The following DNAH9 variants were observed in gnomAD, a reference collection of about 807,000 sequenced individuals.
DNAH9 encodes DNAH9 variant protein.
In DNAH9, 345 loss-of-function variants were observed where a neutral mutation model predicts 471.6. The ratio of observed to expected loss-of-function variants is 0.73; its 90% CI spans 0.67 to 0.80. DNAH9 has a LOEUF of 0.80. Among genes scored for constraint, DNAH9 ranks in the 30% least tolerant of loss-of-function variants. The pLI is 0.00. For synonymous variants in DNAH9, 2,093 were observed against 2,123.6 expected (o/e 0.99, Z 0.40); for missense variants, 5,407 against 5,609.2 (o/e 0.96, Z 1.15).
At chr17:11,859,762 C>T (rs1318868800) in intron 50 of DNAH9, among the ~76,000 whole-genome samples, 2 of 152,114 alleles carry the variant, frequency 1.3e-5, no homozygotes, top group East Asian at 3.9e-4. Context: ...CTCTTTTAAA[C>T]AACCAGATCT....
At position 11,623,623 on chromosome 17, in the gene DNAH9, A is replaced by G. The variant is rs2072916662; in HGVS notation, c.1350+3842A>G. On this transcript the variant is annotated intron_variant, in intron 6 of 68. Coordinates refer to ENST00000262442, the MANE Select transcript of DNAH9 (RefSeq NM_001372.4). The surrounding 1 kb of genome is among the most constrained non-coding windows in gnomAD (Gnocchi z 4.1). ...GCATATTTCATGTAGGCCTTTAGTTAATATTCTGTGTATCTCTGTGATCGA... is the reference window on the plus strand; with the variant it reads ...GCATATTTCATGTAGGCCTTTAGTTGATATTCTGTGTATCTCTGTGATCGA... Among the ~76,000 whole-genome samples, 2 of 152,130 alleles carry G rather than the reference A, an allele frequency of 1.3e-5. No individual in the cohort carries two copies. The highest frequency in any genetic ancestry group is 4.1e-4 in the South Asian group (2 of 4,820).
At chr17:11,865,609 G>T (rs1158978470) in intron 50 of DNAH9, among the ~76,000 whole-genome samples, 2 of 151,752 alleles carry the variant, frequency 1.3e-5, no homozygotes, top group Non-Finnish European at 2.9e-5. Context: ...ATATCCTGCA[G>T]AGTGTTTTCC....
At chr17:11,841,523 A>G (rs1406600652) in intron 49 of DNAH9, among the ~76,000 whole-genome samples, 3 of 152,196 alleles carry the variant, frequency 2.0e-5, no homozygotes, top group Non-Finnish European at 4.4e-5. Flanking sequence ...CTGCATTTTT[A>G]CATAAGATAA....
intron 49 of DNAH9, among the ~76,000 whole-genome samples, chr17:11,842,067 T>A (rs1194802496): frequency 6.6e-6 from 1 of 152,154 alleles, no homozygotes; most frequent in East Asian, 1.9e-4. Context: ...AGTCTGTTAT[T>A]TGTCCTCTAA....
At chr17:11,940,133 A>G (rs1005039515) in intron 66 of DNAH9, among the ~76,000 whole-genome samples, 1 of 152,240 alleles carries the variant, frequency 6.6e-6, no homozygotes, top group African/African-American at 2.4e-5. Flanking sequence ...TTACTTTTCC[A>G]GAAAGGAAGA....
intron 53 of DNAH9, among the ~76,000 whole-genome samples, chr17:11,879,188 G>A (rs1314777721): frequency 6.6e-6 from 1 of 152,086 alleles, no homozygotes; most frequent in Non-Finnish European, 1.5e-5. Flanking sequence ...AGAAAAATGA[G>A]AGGGCGGGGT....
At chr17:11,649,850 C>G (rs1405521734) in intron 12 of DNAH9, among the ~76,000 whole-genome samples, 1 of 151,870 alleles carries the variant, frequency 6.6e-6, no homozygotes, top group Non-Finnish European at 1.5e-5. Context: ...GTGGAAGTAC[C>G]CTCTCTTCCT....
chr17:11,752,112 C>G (rs1427970659), intron 32 of DNAH9, among the ~76,000 whole-genome samples: 3 of 152,116 alleles, frequency 2.0e-5, no homozygotes, highest in Non-Finnish European at 4.4e-5. Flanking sequence ...AACAGACGTA[C>G]CATACTATTA....
At chr17:11,674,254 C>T (rs1044571523) in intron 17 of DNAH9, among the ~76,000 whole-genome samples, 7 of 152,090 alleles carry the variant, frequency 4.6e-5, no homozygotes, top group Admixed American at 2.0e-4. Flanking sequence ...TACTTAAGAG[C>T]GGAATTGCTA....
At chr17:11,648,636 G>T (rs2073440240) in intron 12 of DNAH9, among the ~76,000 whole-genome samples, 1 of 152,000 alleles carries the variant, frequency 6.6e-6, no homozygotes, top group Non-Finnish European at 1.5e-5. Context: ...AACACATAGG[G>T]CACACTTTAT....
chr17:11,768,563 G>C lies in DNAH9; in HGVS notation c.7281G>C (p.Lys2427Asn). 6.2e-7 allele frequency: 1 copy of C among 1,614,154 alleles called. No homozygotes were observed. The highest frequency in any genetic ancestry group is 8.5e-7 in the Non-Finnish European group (1 of 1,180,036). Reference protein sequence around the residue: ...IFDYYIDPETKKFEPWSKLVP... With the variant: ...IFDYYIDPETNKFEPWSKLVP... ...ACTATTACATCGACCCAGAGACCAA[G>C]AAATTCGAGCCTTGGTCCAAGCTCG... is the stretch of plus-strand genomic sequence containing the variant. Residue 2427 changes from lysine to asparagine, a missense_variant, in exon 37 of 69, where the codon AAG becomes AAC. Coordinates refer to ENST00000262442, the MANE Select transcript of DNAH9 (RefSeq NM_001372.4).
chr17:11,873,970 C>T (rs541073707), intron 52 of DNAH9, among the ~76,000 whole-genome samples: 34 of 152,118 alleles, frequency 2.2e-4, no homozygotes, highest in African/African-American at 5.8e-4. Flanking sequence ...GTGAGCCCGG[C>T]GTGGTGGGTC....
intron 59 of DNAH9, 125 bp from the exon 60 acceptor site, chr17:11,902,594 C>G: frequency 1.0e-6 from 1 of 959,744 alleles, no homozygotes; most frequent in Non-Finnish European, 1.6e-6. Context: ...ATCCAAAGCT[C>G]TAGACAAGAG....
At chr17:11,799,329 C>G (rs1440792670) in intron 43 of DNAH9, among the ~76,000 whole-genome samples, 2 of 152,108 alleles carry the variant, frequency 1.3e-5, no homozygotes, top group Admixed American at 6.6e-5. Flanking sequence ...CTCCCCCTAC[C>G]ATGTCTTTAC....
chr17:11,946,693 A>G (rs1014421678), intron 67 of DNAH9, among the ~76,000 whole-genome samples: 4 of 151,652 alleles, frequency 2.6e-5, no homozygotes, highest in African/African-American at 7.3e-5. Context: ...AAAAGAAAAA[A>G]AAAATCTGCA....
In DNAH9 at chr17:11,752,953, A is replaced by G; in HGVS notation, c.6731A>G (p.Asp2244Gly). The G allele has an allele frequency of 6.3e-7, 1 of 1,585,874 alleles. No homozygotes were observed. The highest frequency in any genetic ancestry group is 8.6e-7 in the Non-Finnish European group (1 of 1,166,630). ...WIESLNTVMD[D>G]NKVLTLASNE... ...GAATCCCTGAATACTGTCATGGATG[A>G]TAACAAGGTATGAAATTGGGGGATA... is the stretch of plus-strand genomic sequence containing the variant. The change falls in exon 33 of 69, where the codon GAT becomes GGT. Residue 2244 changes from aspartate (D) to glycine (G), a missense_variant. Physicochemically the swap from Asp to Gly is moderately conservative, Grantham distance 94 (BLOSUM62 -1). This residue lies in a region of DNAH9 where 4,636 missense variants were observed against 4,900.3 expected (regional missense o/e 0.95). Transcript: ENST00000262442.
At chr17:11,685,256 AAAAC>A (rs1437846041) in intron 19 of DNAH9, among the ~76,000 whole-genome samples, 2 of 152,156 alleles carry the variant, frequency 1.3e-5, no homozygotes, top group African/African-American at 4.8e-5. Context: ...AGGGGGAAAA[AAAAC>A]AGTTACAAAA....
chr17:11,886,763 A>C, intron 56 of DNAH9, 62 bp from the exon 57 acceptor site: 5 of 1,548,658 alleles, frequency 3.2e-6, no homozygotes, highest in Non-Finnish European at 4.4e-6. Context: ...AGAGGGGCCA[A>C]GTTGATTCTC....
rs7211854 is a variant in DNAH9, at chr17:11,874,923, G to A, written c.10243-26G>A. ...GAGAATGTCTGCTTCTGTTCTGAGC[G>A]TGGGGTGGTGTTTCTTCTTCACCAG... is the stretch of plus-strand genomic sequence containing the variant. On this transcript the variant is annotated intron_variant, in intron 52 of 68. Coordinates refer to ENST00000262442, the MANE Select transcript of DNAH9 (RefSeq NM_001372.4). 0.44 allele frequency: 674,685 copies of A among 1,532,292 alleles called. 151,835 individuals are homozygous for A. Among genetic ancestry groups the A allele is most frequent in the Middle Eastern group, 0.47 (2,448 of 5,236 alleles). The allele number at this position is 1,532,292 out of a possible 1,614,324, so 94.9% of individuals were successfully genotyped here. A position where few individuals can be genotyped will look rare whatever the true frequency, so the allele number is the denominator to read the frequency against.
Sources: allele counts gnomAD v4.1 joint callset (sites outside exome capture counted in the v4.1 genomes callset), GRCh38; gene constraint gnomAD v4.1.1; regional missense constraint gnomAD v4.1.1; non-coding constraint Gnocchi (gnomAD v3.1); transcripts MANE v1.5; gene names NCBI Gene and HGNC (gene_info 2026-07-23, HGNC 2026-07-21).